PDZRN4: variants seen among roughly 807,000 people sequenced by gnomAD.
PDZRN4 encodes PDZ domain containing ring finger 4, also known as PDZ domain-containing RING finger protein 4.
Under a neutral mutation model 99.0 loss-of-function variants are expected in PDZRN4, and 70 were observed. The ratio of observed to expected loss-of-function variants is 0.71; its 90% CI spans 0.58 to 0.86. The LOEUF is 0.86. PDZRN4 is among the 40% of genes least tolerant of loss of function. The probability of loss-of-function intolerance (pLI) is 0.00; values close to 1 mark genes in which losing one functional copy is unlikely to be tolerated. For missense variants in PDZRN4, 1,474 were observed against 1,331.2 expected (o/e 1.11, Z -1.67); for synonymous variants, 551 against 501.6 (o/e 1.10, Z -1.32).
chr12:41,468,590 C>A (rs1592072108), intron 3 of PDZRN4, among the ~76,000 whole-genome samples: 2 of 152,304 alleles, frequency 1.3e-5, no homozygotes, highest in East Asian at 3.9e-4. Context: ...ACGTTCTTAG[C>A]TAATAGCCAC....
At chr12:41,512,839 G>C (rs1465650514) in intron 5 of PDZRN4, among the ~76,000 whole-genome samples, 1 of 152,032 alleles carries the variant, frequency 6.6e-6, no homozygotes, top group East Asian at 1.9e-4. Flanking sequence ...AATATAGTTT[G>C]TGCTATGGCA....
chr12:41,476,447 G>A (rs962037708), intron 3 of PDZRN4, among the ~76,000 whole-genome samples: 2 of 152,138 alleles, frequency 1.3e-5, no homozygotes, highest in Non-Finnish European at 2.9e-5. Flanking sequence ...CTTTACAAAA[G>A]CTGAATTAGG....
chr12:41,537,283 A>G (rs1481954231), intron 5 of PDZRN4, among the ~76,000 whole-genome samples: 1 of 152,208 alleles, frequency 6.6e-6, no homozygotes, highest in Non-Finnish European at 1.5e-5. Flanking sequence ...AAATGTGTGC[A>G]TTTATGTGGC....
rs199784944 is a variant in PDZRN4 at position 41,552,659 on chromosome 12, G to T, written c.1207G>T (p.Val403Phe). ...TCTGTGTGTGTTGTTCTTTCAGGAG[G>T]TCGAGTTGTGTCGTGTTAGCAGTCA... ...DRTEDFEYEE[V>F]ELCRVSSQEK... The change falls in exon 6 of 10, where the codon GTC (valine) becomes TTC (phenylalanine). Residue 403 changes from valine to phenylalanine, a missense_variant. Physicochemically the swap from Val to Phe is conservative, Grantham distance 50 (BLOSUM62 -1). Transcript: ENST00000402685. The T allele has an allele frequency of 3.1e-6, 5 of 1,612,620 alleles. No individual in the cohort carries two copies. Among genetic ancestry groups the T allele is most frequent in the East Asian group, 2.2e-5 (1 of 44,842 alleles).
chr12:41,566,147 A>G (rs1939366933), intron 8 of PDZRN4, among the ~76,000 whole-genome samples: 1 of 152,154 alleles, frequency 6.6e-6, no homozygotes, highest in African/African-American at 2.4e-5. Flanking sequence ...TCAGGAATCT[A>G]CTGGATTACT....
At chr12:41,516,163 T>C (rs1938398048) in intron 5 of PDZRN4, among the ~76,000 whole-genome samples, 2 of 152,064 alleles carry the variant, frequency 1.3e-5, no homozygotes, top group South Asian at 4.1e-4. Flanking sequence ...TTCCCACCAC[T>C]GAACTCCCAC....
At chr12:41,279,833 TAAG>T (rs1003218460) in intron 3 of PDZRN4, among the ~76,000 whole-genome samples, 5 of 152,116 alleles carry the variant, frequency 3.3e-5, no homozygotes, top group Admixed American at 6.5e-5. Context: ...GCAAGGCATA[TAAG>T]AAGATTTTTA....
chr12:41,562,960 T>C (rs1355475480), intron 7 of PDZRN4, among the ~76,000 whole-genome samples: 3 of 152,076 alleles, frequency 2.0e-5, no homozygotes, highest in Admixed American at 1.3e-4. Flanking sequence ...GGAAATGGAG[T>C]ATTGATGAGA....
intron 1 of PDZRN4, among the ~76,000 whole-genome samples, chr12:41,189,903 T>G (rs1027617734): frequency 6.6e-6 from 1 of 152,148 alleles, no homozygotes; most frequent in Non-Finnish European, 1.5e-5. Context: ...TTGTCTAAGC[T>G]GCTGGCCCCG....
chr12:41,495,986 C>A (rs1356723659), intron 3 of PDZRN4, among the ~76,000 whole-genome samples: 1 of 152,100 alleles, frequency 6.6e-6, no homozygotes, highest in African/African-American at 2.4e-5. Context: ...TTCCTTTCAG[C>A]TTTTTATGAG....
chr12:41,488,612 G>C (rs1296897282), intron 3 of PDZRN4, among the ~76,000 whole-genome samples: 1 of 152,082 alleles, frequency 6.6e-6, no homozygotes, highest in Admixed American at 6.6e-5. Flanking sequence ...GACAGCTTCT[G>C]AGGCTGTACA....
At chr12:41,488,300 T>C (rs1046991217) in intron 3 of PDZRN4, among the ~76,000 whole-genome samples, 48 of 152,110 alleles carry the variant, frequency 3.2e-4, no homozygotes, top group African/African-American at 1.1e-3. Flanking sequence ...AGTGTTTACG[T>C]TATTATTTAT....
At chr12:41,562,772 A>G (rs1939293277) in intron 7 of PDZRN4, among the ~76,000 whole-genome samples, 1 of 152,122 alleles carries the variant, frequency 6.6e-6, no homozygotes, top group African/African-American at 2.4e-5. Context: ...TTCTAATGTC[A>G]CTGGAATCTT....
At chr12:41,261,104 T>A (rs995447751) in intron 3 of PDZRN4, among the ~76,000 whole-genome samples, 1 of 152,174 alleles carries the variant, frequency 6.6e-6, no homozygotes, top group African/African-American at 2.4e-5. Context: ...TTAAAAGACA[T>A]AGGATTCTCT....
chr12:41,423,879 A>G lies in PDZRN4; in HGVS notation c.844-82577A>G, dbSNP rs80007639. On this transcript the variant is annotated intron_variant, in intron 3 of 9. Transcript: ENST00000402685. ...GGTAATCAGTCCTATCAGCAGCACC[A>G]TGAGGAAGAAGCTATAAACTCCATC... Among the ~76,000 whole-genome samples, 91 of 152,312 alleles carry G rather than the reference A, an allele frequency of 6.0e-4. 1 individual carries two copies. Among genetic ancestry groups the G allele is most frequent in the African/African-American group, 1.9e-3 (81 of 41,578 alleles).
chr12:41,307,863 T>A (rs1465182571), intron 3 of PDZRN4, among the ~76,000 whole-genome samples: 2 of 152,146 alleles, frequency 1.3e-5, no homozygotes, highest in Non-Finnish European at 2.9e-5. Flanking sequence ...TTTCATCTAA[T>A]CTATACATCA....
intron 3 of PDZRN4, among the ~76,000 whole-genome samples, chr12:41,482,856 G>T (rs1937698892): frequency 6.6e-6 from 1 of 152,044 alleles, no homozygotes; most frequent in African/African-American, 2.4e-5. Flanking sequence ...TCTGATGAGT[G>T]AGGCTGGGTA....
chr12:41,237,768 A>T (rs560703421), intron 3 of PDZRN4, among the ~76,000 whole-genome samples: 8 of 152,226 alleles, frequency 5.3e-5, no homozygotes, highest in Admixed American at 4.6e-4. Context: ...GTCAAAATTC[A>T]CATAGTTGTA....
chr12:41,469,644 G>A (rs1318258060), intron 3 of PDZRN4, among the ~76,000 whole-genome samples: 1 of 152,056 alleles, frequency 6.6e-6, no homozygotes, highest in Non-Finnish European at 1.5e-5. Flanking sequence ...CCAATGAAAT[G>A]CTTCTTGCTG....
Sources: allele counts gnomAD v4.1 joint callset (sites outside exome capture counted in the v4.1 genomes callset), GRCh38; gene constraint gnomAD v4.1.1; transcripts MANE v1.5; gene names NCBI Gene and HGNC (gene_info 2026-07-23, HGNC 2026-07-21).